Variants in OPA1 observed in about 807,000 individuals in gnomAD.
OPA1 encodes the protein dynamin-like GTPase OPA1, mitochondrial.
Under a neutral mutation model 152.9 loss-of-function variants are expected in OPA1, and 59 were observed. The observed-to-expected ratio is 0.39, with a 90% CI of 0.31 to 0.48. OPA1 has a LOEUF of 0.48. Ranked by LOEUF, OPA1 falls within the 20% of genes least tolerant of loss-of-function variation. The pLI is 0.96. For synonymous variants in OPA1, 400 were observed against 389.9 expected (o/e 1.03, Z -0.31); for missense variants, 1,008 against 1,216.8 (o/e 0.83, Z 2.55).
At chr3:193,686,023 A>G (rs1259216914) in intron 29 of OPA1, among the ~76,000 whole-genome samples, 1 of 152,210 alleles carries the variant, frequency 6.6e-6, no homozygotes, top group African/African-American at 2.4e-5. Flanking sequence ...TAGATTATTA[A>G]AGGTGTTAGA....
intron 7 of OPA1, among the ~76,000 whole-genome samples, chr3:193,627,539 T>TGTTCTTATATGTTAA (rs1289641479): frequency 6.6e-6 from 1 of 152,206 alleles, no homozygotes; most frequent in African/African-American, 2.4e-5. Context: ...GGAGCAAGTA[T>TGTTCTTATATGTTAA]GTTCTTATAT....
In OPA1 at chr3:193,593,357, C is replaced by T. The variant is rs773848803; in HGVS notation, c.-21C>T. On this transcript the variant is annotated 5_prime_UTR_variant, in exon 1 of 31. Transcript: ENST00000361510. ...TCCCGCGTGGCCGTCTCGGCGCCTG[C>T]GTGACCTCCCCGCCGGCGGGATGTG... is the stretch of plus-strand genomic sequence containing the variant. 2 of 1,543,482 alleles carry T rather than the reference C, an allele frequency of 1.3e-6. No individual in the cohort carries two copies. The highest frequency in any genetic ancestry group is 1.2e-5 in the South Asian group (1 of 83,228).
chr3:193,619,838 A>G (rs1729717223), intron 6 of OPA1, among the ~76,000 whole-genome samples: 1 of 152,198 alleles, frequency 6.6e-6, no homozygotes, highest in African/African-American at 2.4e-5. Flanking sequence ...AATAATTTCT[A>G]TGAATAGGTT....
At chr3:193,656,667 G>A (rs2109157321) in intron 22 of OPA1, among the ~76,000 whole-genome samples, 1 of 152,258 alleles carries the variant, frequency 6.6e-6, no homozygotes, top group Admixed American at 6.5e-5. Context: ...TAACTTGGGT[G>A]GCAGGCTTAG....
intron 29 of OPA1, among the ~76,000 whole-genome samples, chr3:193,671,889 G>C (rs1718002408): frequency 6.6e-6 from 1 of 152,196 alleles, no homozygotes. Context: ...TTACCTCATG[G>C]ATAATTTAAT....
chr3:193,653,818 A>G (rs964724549), intron 21 of OPA1, among the ~76,000 whole-genome samples: 1 of 152,198 alleles, frequency 6.6e-6, no homozygotes, highest in Non-Finnish European at 1.5e-5. Flanking sequence ...GCTCAGAATT[A>G]TTAGTCATTA....
At chr3:193,631,556 C>A in intron 7 of OPA1, 56 bp from the exon 8 acceptor site, 2 of 1,292,598 alleles carry the variant, frequency 1.5e-6, no homozygotes, top group Non-Finnish European at 1.1e-6. Flanking sequence ...ATTTAACTTG[C>A]TGTACATTCT....
chr3:193,688,277 G>A (rs781368830), intron 29 of OPA1, among the ~76,000 whole-genome samples: 21 of 151,900 alleles, frequency 1.4e-4, no homozygotes, highest in Non-Finnish European at 1.9e-4. Context: ...TTGTACTCCT[G>A]TATTGTTCTC....
chr3:193,680,077 T>A (rs1719886788), intron 29 of OPA1, among the ~76,000 whole-genome samples: 2 of 152,334 alleles, frequency 1.3e-5, no homozygotes, highest in Non-Finnish European at 2.9e-5. Flanking sequence ...ACCATTTTTT[T>A]AAGAAATGGA....
rs1462927567 is a variant in OPA1 at position 193,657,236 on chromosome 3, T to C, written c.2331+4T>C. On this transcript the variant is annotated splice_donor_region_variant and intron_variant, in intron 23 of 30. Coordinates refer to ENST00000361510, the MANE Select transcript of OPA1 (RefSeq NM_130837.3). Reference sequence around the variant, plus strand: ...TGACTTTGCGGAGGACAGCTTGGTATGTTGTTTGTATACTGGGGTATCAGC... The same window carrying C: ...TGACTTTGCGGAGGACAGCTTGGTACGTTGTTTGTATACTGGGGTATCAGC... The C allele has an allele frequency of 3.1e-6, 5 of 1,613,662 alleles. No homozygotes were observed. The highest frequency in any genetic ancestry group is 1.7e-5 in the Admixed American group (1 of 59,996).
At chr3:193,641,156 G>A (rs1009794457) in intron 11 of OPA1, among the ~76,000 whole-genome samples, 4 of 152,196 alleles carry the variant, frequency 2.6e-5, no homozygotes, top group African/African-American at 9.7e-5. Context: ...ATTGTTACTA[G>A]CATCCTAATT....
chr3:193,691,765 A>G (rs1324128617), intron 29 of OPA1: 1 of 204,390 alleles, frequency 4.9e-6, no homozygotes, highest in African/African-American at 2.3e-5. Context: ...GAATTCCTTA[A>G]AATTCTCTAC....
In OPA1 at chr3:193,688,449, C is replaced by CTTTTTTTTTTT. The variant is rs766448341; in HGVS notation, c.2984-3577_2984-3567dup. ...TGATTTTTACTGAAATGGGTCTTTT[C>CTTTTTTTTTTT]TTTTTTTTTTTTTTTTTTTTTTTTT... On this transcript the variant is annotated intron_variant, in intron 29 of 30. Transcript: ENST00000361510. Among the ~76,000 whole-genome samples the CTTTTTTTTTTT allele has an allele frequency of 5.2e-4, 33 of 63,324 alleles. 7 individuals carry two copies. Among genetic ancestry groups the CTTTTTTTTTTT allele is most frequent in the Non-Finnish European group, 7.3e-4 (22 of 30,286 alleles). The allele number at this position is 63,324 out of a possible 152,430, so 41.5% of individuals were successfully genotyped here.
chr3:193,608,490 A>G (rs1349798602), intron 1 of OPA1, among the ~76,000 whole-genome samples: 1 of 152,214 alleles, frequency 6.6e-6, no homozygotes, highest in Non-Finnish European at 1.5e-5. Context: ...CAGGTTGTTC[A>G]GTTTCCATGT....
chr3:193,670,262 A>G (rs1201993750), intron 29 of OPA1, among the ~76,000 whole-genome samples: 1 of 152,182 alleles, frequency 6.6e-6, no homozygotes, highest in Non-Finnish European at 1.5e-5. Context: ...TCAAATTTTT[A>G]CTACAGTTTC....
rs376008769 is a variant in OPA1 at position 193,626,802 on chromosome 3, C to T, written c.789+600C>T. On this transcript the variant is annotated intron_variant, in intron 7 of 30. Transcript: ENST00000361510. ...CCTTGGACCACGGAGGGTTTGAACACTGGAAATTTGATATAATTCTGGTTG... is the reference window on the plus strand; with the variant it reads ...CCTTGGACCACGGAGGGTTTGAACATTGGAAATTTGATATAATTCTGGTTG... Among the ~76,000 whole-genome samples, 10 of 152,244 alleles carry T rather than the reference C, an allele frequency of 6.6e-5. No homozygotes were observed. The East Asian group carries it at 1.9e-3, about 29-fold the overall frequency.
At chr3:193,609,045 C>G (rs1266458324) in intron 1 of OPA1, among the ~76,000 whole-genome samples, 1 of 151,408 alleles carries the variant, frequency 6.6e-6, no homozygotes. Context: ...TTTTTGTTTT[C>G]CATTTGCTTG....
At chr3:193,677,082 T>C (rs1318343847) in intron 29 of OPA1, among the ~76,000 whole-genome samples, 1 of 151,716 alleles carries the variant, frequency 6.6e-6, no homozygotes, top group Non-Finnish European at 1.5e-5. Context: ...TACATGCTGC[T>C]GGTAATCAAC....
At chr3:193,631,128 A>C (rs1262019006) in intron 7 of OPA1, among the ~76,000 whole-genome samples, 1 of 152,226 alleles carries the variant, frequency 6.6e-6, no homozygotes, top group Non-Finnish European at 1.5e-5. Flanking sequence ...ACAGAAATGG[A>C]TACAATACAA....
Sources: allele counts gnomAD v4.1 joint callset (sites outside exome capture counted in the v4.1 genomes callset), GRCh38; gene constraint gnomAD v4.1.1; transcripts MANE v1.5; gene names NCBI Gene and HGNC (gene_info 2026-07-23, HGNC 2026-07-21).